The following ADARB2 variants were observed in gnomAD, a reference collection of about 807,000 sequenced individuals.
The protein encoded by ADARB2 is adenosine deaminase RNA specific B2 (inactive), also known as inactive double-stranded RNA-specific editase B2.
In ADARB2, 25 loss-of-function variants were observed where a neutral mutation model predicts 62.2. The ratio of observed to expected loss-of-function variants is 0.40; its 90% CI spans 0.29 to 0.56. The LOEUF (loss-of-function observed/expected upper bound fraction) is 0.56. ADARB2 is among the 20% of genes least tolerant of loss of function. ADARB2 has a pLI of 0.43. For missense variants in ADARB2, 1,071 were observed against 1,077.4 expected (o/e 0.99, Z 0.08); for synonymous variants, 572 against 500.8 (o/e 1.14, Z -1.90).
At chr10:1,466,545 C>G (rs1831257721) in intron 1 of ADARB2, among the ~76,000 whole-genome samples, 1 of 152,162 alleles carries the variant, frequency 6.6e-6, no homozygotes, top group South Asian at 2.1e-4. Flanking sequence ...GGGTGGGAAC[C>G]TCACCTAGTG....
chr10:1,560,897 C>A (rs1007777845), intron 1 of ADARB2, among the ~76,000 whole-genome samples: 1 of 152,180 alleles, frequency 6.6e-6, no homozygotes, highest in Non-Finnish European at 1.5e-5. Flanking sequence ...CTTCCAAATA[C>A]GTCTTGCCAA....
intron 3 of ADARB2, among the ~76,000 whole-genome samples, chr10:1,362,645 G>C (rs1832269535): frequency 6.6e-6 from 1 of 152,124 alleles, no homozygotes; most frequent in Non-Finnish European, 1.5e-5. Context: ...GCTGCTCCCA[G>C]GCACAGGGCG....
chr10:1,713,513 T>C (rs1288516701), intron 1 of ADARB2, among the ~76,000 whole-genome samples: 1 of 152,126 alleles, frequency 6.6e-6, no homozygotes, highest in African/African-American at 2.4e-5. Context: ...TGGGTGTAAA[T>C]GGCCACAGCA....
chr10:1,347,889 C>T (rs978003745), intron 3 of ADARB2, among the ~76,000 whole-genome samples: 1 of 151,868 alleles, frequency 6.6e-6, no homozygotes. Flanking sequence ...TAGAGAGATA[C>T]AGGAACAGAG....
In ADARB2 at chr10:1,304,197, A is replaced by G. The variant is rs549603336; in HGVS notation, c.1078-33128T>C. Among the ~76,000 whole-genome samples the G allele has an allele frequency of 9.8e-5, 15 of 152,318 alleles. No homozygotes were observed. The East Asian group carries it at 2.7e-3, about 27-fold the overall frequency. The stretch of plus-strand genomic sequence containing the variant: ...GGAGGAAGATCTACCAAGCAAATGG[A>G]AAACAAAAAAAGGCAAGGGTTGCAA... On this transcript the variant is annotated intron_variant, in intron 3 of 9. Coordinates refer to ENST00000381312, the MANE Select transcript of ADARB2 (RefSeq NM_018702.4).
At chr10:1,190,314 C>T (rs1836825681) in intron 8 of ADARB2, among the ~76,000 whole-genome samples, 1 of 150,812 alleles carries the variant, frequency 6.6e-6, no homozygotes, top group African/African-American at 2.5e-5. Context: ...TCCTGTGAAC[C>T]TCTGGCATCC....
At chr10:1,187,210 C>T (rs779005937) in intron 8 of ADARB2, among the ~76,000 whole-genome samples, 6 of 152,382 alleles carry the variant, frequency 3.9e-5, no homozygotes, top group East Asian at 1.9e-4. Context: ...CAATCTGGCC[C>T]GTTGGCCGCT....
chr10:1,693,066 A>G (rs531040480), intron 1 of ADARB2, among the ~76,000 whole-genome samples: 6 of 152,276 alleles, frequency 3.9e-5, no homozygotes, highest in Non-Finnish European at 7.3e-5. Context: ...TGATGTCATC[A>G]CTTATACGTG....
intron 3 of ADARB2, among the ~76,000 whole-genome samples, chr10:1,350,967 C>T (rs1832131191): frequency 6.6e-6 from 1 of 152,224 alleles, no homozygotes; most frequent in South Asian, 2.1e-4. Flanking sequence ...ACTGGAACGC[C>T]TGAACCGCAG....
chr10:1,273,995 G>A (rs190293058), intron 3 of ADARB2, among the ~76,000 whole-genome samples: 8 of 152,316 alleles, frequency 5.3e-5, no homozygotes, highest in Non-Finnish European at 1.2e-4. Flanking sequence ...CATCCTCACC[G>A]GCCCTGCAGA....
rs778488278 is a variant in ADARB2 at position 1,233,792 on chromosome 10, C to T, written c.1415G>A (p.Gly472Asp). Residue 472 changes from glycine (G) to aspartate (D), a missense_variant, in exon 6 of 10, where the codon GGC (glycine) becomes GAC (aspartate). Gly to Asp is a moderately conservative substitution (Grantham distance 94). Coordinates refer to ENST00000381312, the MANE Select transcript of ADARB2 (RefSeq NM_018702.4). ...GAGGATGTTCTCTCGCAGCCGGTAG[C>T]CACCTTCTTTTAACCGCACGAATAT... Reference protein sequence around the residue: ...RSIFVRLKEGGYRLRENILFH... With the variant: ...RSIFVRLKEGDYRLRENILFH... 3.7e-6 allele frequency: 6 copies of T among 1,613,968 alleles called. No individual in the cohort carries two copies. In the Admixed American group the frequency reaches 6.7e-5, roughly 18 times the overall value.
intron 1 of ADARB2, among the ~76,000 whole-genome samples, chr10:1,563,558 T>C (rs1832816642): frequency 6.6e-6 from 1 of 152,196 alleles, no homozygotes; most frequent in Non-Finnish European, 1.5e-5. Context: ...CGCCAGTTTA[T>C]GGAACAAACA....
chr10:1,536,881 C>T (rs1400527609), intron 1 of ADARB2, among the ~76,000 whole-genome samples: 1 of 152,108 alleles, frequency 6.6e-6, no homozygotes, highest in Non-Finnish European at 1.5e-5. Flanking sequence ...CTAGGCAATG[C>T]CATTCAGGAC....
chr10:1,246,263 A>G (rs540397087), intron 4 of ADARB2, among the ~76,000 whole-genome samples: 158 of 151,372 alleles, frequency 1.0e-3, no homozygotes, highest in Non-Finnish European at 1.9e-3. Context: ...GTAGATTGCA[A>G]ACATTTTCTC....
At chr10:1,230,924 C>A (rs964988989) in intron 6 of ADARB2, among the ~76,000 whole-genome samples, 1 of 152,156 alleles carries the variant, frequency 6.6e-6, no homozygotes, top group Non-Finnish European at 1.5e-5. Flanking sequence ...CTTAAAAGCA[C>A]CATGAAATAA....
At chr10:1,719,941 T>A (rs1050518059) in intron 1 of ADARB2, among the ~76,000 whole-genome samples, 21 of 152,204 alleles carry the variant, frequency 1.4e-4, no homozygotes, top group Non-Finnish European at 2.4e-4. Flanking sequence ...ACACTGTTAG[T>A]GGGAATGTAA....
chr10:1,668,023 T>C (rs965440162), intron 1 of ADARB2, among the ~76,000 whole-genome samples: 5 of 152,188 alleles, frequency 3.3e-5, no homozygotes, highest in African/African-American at 7.2e-5. Flanking sequence ...GGTTGGGTCC[T>C]GTGAGCCCTC....
At chr10:1,217,880 C>T (rs1188031943) in intron 6 of ADARB2, among the ~76,000 whole-genome samples, 4 of 152,102 alleles carry the variant, frequency 2.6e-5, no homozygotes, top group Admixed American at 2.0e-4. Flanking sequence ...AGTGACGGAG[C>T]GTCTGGTGGG....
intron 3 of ADARB2, among the ~76,000 whole-genome samples, chr10:1,310,062 A>G (rs1040083603): frequency 1.7e-4 from 26 of 151,994 alleles, no homozygotes; most frequent in African/African-American, 6.0e-4. Context: ...CTCCAATTTC[A>G]TCTGCTTCTC....
Sources: allele counts gnomAD v4.1 joint callset (sites outside exome capture counted in the v4.1 genomes callset), GRCh38; gene constraint gnomAD v4.1.1; transcripts MANE v1.5; gene names NCBI Gene and HGNC (gene_info 2026-07-23, HGNC 2026-07-21).